Variants in RBMS3 observed in about 807,000 individuals in gnomAD.
The protein encoded by RBMS3 is RNA-binding motif, single-stranded-interacting protein 3.
RBMS3 carries 27 observed loss-of-function variants against 66.8 expected under a neutral mutation model. The ratio of observed to expected loss-of-function variants is 0.40; its 90% confidence interval spans 0.30 to 0.56. RBMS3 has a LOEUF of 0.56. Ranked by LOEUF, RBMS3 falls within the 20% of genes least tolerant of loss-of-function variation. The probability of loss-of-function intolerance (pLI) is 0.40; values close to 1 mark genes in which losing one functional copy is unlikely to be tolerated. For synonymous variants in RBMS3, 188 were observed against 183.0 expected, an observed-to-expected ratio of 1.03 and a Z score of -0.22; for missense variants, 513 against 549.5, an observed-to-expected ratio of 0.93 and a Z score of 0.66.
rs115309711 is a variant in RBMS3, at chr3:29,953,969, A to G, written c.1098+9715A>G. Reference sequence around the variant, plus strand: ...TCAAGCCATAGTCCTCTTTTTGTCAATGTTAACCCCTCCTTGTATGTTCTT... The same window carrying G: ...TCAAGCCATAGTCCTCTTTTTGTCAGTGTTAACCCCTCCTTGTATGTTCTT... On this transcript the variant is annotated intron_variant, in intron 12 of 14. Transcript: ENST00000383767. Among the ~76,000 whole-genome samples, 732 of 151,788 alleles carry G rather than the reference A, an allele frequency of 4.8e-3. 6 individuals are homozygous for G. Among genetic ancestry groups the G allele is most frequent in the African/African-American group, 0.017 (685 of 41,464 alleles).
At chr3:29,983,241 T>C (rs1441195850) in intron 12 of RBMS3, among the ~76,000 whole-genome samples, 2 of 145,574 alleles carry the variant, frequency 1.4e-5, no homozygotes, top group African/African-American at 5.0e-5. Flanking sequence ...CCCGCCCCCT[T>C]TTTTTTTTTT....
At chr3:29,703,320 T>C (rs1465000866) in intron 4 of RBMS3, among the ~76,000 whole-genome samples, 3 of 152,238 alleles carry the variant, frequency 2.0e-5, no homozygotes, top group East Asian at 1.9e-4. Context: ...GATTGACATA[T>C]GTACATGTGT....
At chr3:29,908,497 G>C (rs2060438925) in intron 10 of RBMS3, among the ~76,000 whole-genome samples, 1 of 152,106 alleles carries the variant, frequency 6.6e-6, no homozygotes, top group Non-Finnish European at 1.5e-5. Context: ...GTTGCCAACT[G>C]CCTAATAAGG....
intron 6 of RBMS3, among the ~76,000 whole-genome samples, chr3:29,844,419 G>C (rs530887011): frequency 6.6e-6 from 1 of 152,168 alleles, no homozygotes; most frequent in African/African-American, 2.4e-5. Flanking sequence ...TTTAAGGTTT[G>C]TTAGAGAACA....
intron 1 of RBMS3, among the ~76,000 whole-genome samples, chr3:29,379,013 G>A (rs2038632023): frequency 6.6e-6 from 1 of 152,100 alleles, no homozygotes; most frequent in Admixed American, 6.6e-5. Context: ...TGTCTTGTCT[G>A]CAGAGAGATT....
At chr3:29,351,450 A>G (rs1342335057) in intron 1 of RBMS3, among the ~76,000 whole-genome samples, 1 of 152,118 alleles carries the variant, frequency 6.6e-6, no homozygotes, top group African/African-American at 2.4e-5. Flanking sequence ...ATGTTTGCCA[A>G]TCTGAACTGT....
At chr3:29,614,269 G>A (rs1003038206) in intron 4 of RBMS3, among the ~76,000 whole-genome samples, 1 of 152,086 alleles carries the variant, frequency 6.6e-6, no homozygotes, top group Admixed American at 6.6e-5. Flanking sequence ...ATCAGAAAAA[G>A]CATAAGAGCA....
intron 6 of RBMS3, among the ~76,000 whole-genome samples, chr3:29,779,911 A>G (rs2056569281): frequency 6.6e-6 from 1 of 151,032 alleles, no homozygotes; most frequent in South Asian, 2.1e-4. Context: ...ACTGGTAGAC[A>G]TAGAAATACA....
intron 1 of RBMS3, among the ~76,000 whole-genome samples, chr3:29,383,241 T>G (rs887991670): frequency 6.6e-6 from 1 of 152,264 alleles, no homozygotes; most frequent in African/African-American, 2.4e-5. Context: ...TTATGTTTTT[T>G]GATCATAAGA....
rs1443142864 is a variant in RBMS3, at chr3:29,296,097, C to T, written c.75+14341C>T. On this transcript the variant is annotated intron_variant, in intron 1 of 14. Coordinates refer to ENST00000383767, the MANE Select transcript of RBMS3 (RefSeq NM_001003793.3). The stretch of plus-strand genomic sequence containing the variant: ...GGCAGAAACAGGAATATCTTCCTTC[C>T]TTTGTGACACTATCACAGATCCCAA... Among the ~76,000 whole-genome samples the T allele has an allele frequency of 4.0e-5, 6 of 151,756 alleles. No homozygotes were observed. The East Asian group carries it at 1.2e-3, about 30-fold the overall frequency.
intron 1 of RBMS3, among the ~76,000 whole-genome samples, chr3:29,392,866 C>T (rs1329947865): frequency 6.6e-6 from 1 of 151,718 alleles, no homozygotes; most frequent in South Asian, 2.1e-4. Context: ...ACTGCAGTTG[C>T]CCTTTGCCAC....
chr3:29,468,993 GT>G (rs1203704393), intron 2 of RBMS3, among the ~76,000 whole-genome samples: 1 of 152,106 alleles, frequency 6.6e-6, no homozygotes, highest in Non-Finnish European at 1.5e-5. Flanking sequence ...TAGAGAAATG[GT>G]GGGACATAAT....
At chr3:29,460,447 G>T (rs2042335121) in intron 2 of RBMS3, among the ~76,000 whole-genome samples, 1 of 152,082 alleles carries the variant, frequency 6.6e-6, no homozygotes, top group Non-Finnish European at 1.5e-5. Context: ...TTTTTAATGT[G>T]GGTCACAAGA....
chr3:29,602,291 T>G (rs942969767), intron 4 of RBMS3, among the ~76,000 whole-genome samples: 5 of 152,056 alleles, frequency 3.3e-5, no homozygotes, highest in Non-Finnish European at 7.4e-5. Flanking sequence ...AAATGGTCCA[T>G]GGACCCATGT....
chr3:29,315,522 A>G (rs537242688), intron 1 of RBMS3, among the ~76,000 whole-genome samples: 1 of 151,860 alleles, frequency 6.6e-6, no homozygotes, highest in African/African-American at 2.4e-5. Context: ...TTTCCAAGAA[A>G]ACTGTAAGGC....
chr3:29,772,172 T>A (rs1172167059), intron 6 of RBMS3, among the ~76,000 whole-genome samples: 1 of 151,974 alleles, frequency 6.6e-6, no homozygotes, highest in Non-Finnish European at 1.5e-5. Context: ...AGACTTGGAT[T>A]TCCCCCCTAG....
chr3:29,724,634 G>A (rs12374000), intron 4 of RBMS3, among the ~76,000 whole-genome samples: 4,247 of 152,180 alleles, frequency 0.028, 82 homozygotes, highest in Admixed American at 0.063. Flanking sequence ...CCAAATTGAT[G>A]TTTGTCATTG....
intron 6 of RBMS3, among the ~76,000 whole-genome samples, chr3:29,852,620 C>T (rs2058965219): frequency 6.6e-6 from 1 of 152,136 alleles, no homozygotes; most frequent in South Asian, 2.1e-4. Context: ...GATATTATCT[C>T]ACACCAGTCA....
chr3:29,988,834 G>T (rs545113854), intron 13 of RBMS3, among the ~76,000 whole-genome samples: 1 of 152,160 alleles, frequency 6.6e-6, no homozygotes, highest in African/African-American at 2.4e-5. Context: ...CAGACCTACT[G>T]CATCTGAATT....
Sources: allele counts gnomAD v4.1 joint callset (sites outside exome capture counted in the v4.1 genomes callset), GRCh38; gene constraint gnomAD v4.1.1; transcripts MANE v1.5; gene names NCBI Gene and HGNC (gene_info 2026-07-23, HGNC 2026-07-21).